The following KCNJ6 variants were observed in gnomAD, a reference collection of about 807,000 sequenced individuals.
The protein encoded by KCNJ6 is potassium inwardly rectifying channel subfamily J member 6, also known as G protein-activated inward rectifier potassium channel 2.
A neutral mutation model predicts 34.2 loss-of-function variants in KCNJ6; 9 were observed. That is an observed-to-expected ratio of 0.26 (90% CI 0.16 to 0.46). The LOEUF (loss-of-function observed/expected upper bound fraction) is 0.46. KCNJ6 is among the 20% of genes least tolerant of loss of function. The probability of loss-of-function intolerance (pLI) is 1.00; values close to 1 mark genes in which losing one functional copy is unlikely to be tolerated. For missense variants in KCNJ6, 236 were observed against 531.3 expected (o/e 0.44, Z 5.46); for synonymous variants, 196 against 207.1 (o/e 0.95, Z 0.46).
At chr21:37,779,494 T>G (rs1440459249) in intron 2 of KCNJ6, among the ~76,000 whole-genome samples, 2 of 152,314 alleles carry the variant, frequency 1.3e-5, no homozygotes, top group East Asian at 3.9e-4. Flanking sequence ...TCTGATTGCA[T>G]CCATCCATAG....
intron 3 of KCNJ6, among the ~76,000 whole-genome samples, chr21:37,661,685 G>A (rs1309016073): frequency 1.5e-5 from 2 of 134,434 alleles, no homozygotes; most frequent in African/African-American, 2.8e-5. Context: ...GTGCAGTGGC[G>A]CGATCTCGCT....
intron 3 of KCNJ6, among the ~76,000 whole-genome samples, chr21:37,665,087 C>T (rs1015176941): frequency 2.6e-5 from 4 of 152,230 alleles, no homozygotes; most frequent in South Asian, 2.1e-4. Context: ...TGAGCCACCA[C>T]GCCTGGCAAG....
chr21:37,748,899 C>T lies in KCNJ6; in HGVS notation c.26-33768G>A, dbSNP rs879299113. Among the ~76,000 whole-genome samples, 19 of 152,268 alleles carry T rather than the reference C, an allele frequency of 1.2e-4. 1 individual carries two copies. The highest frequency in any genetic ancestry group is 2.5e-4 in the Non-Finnish European group (17 of 68,030). ...GGAACAAAACCGTGGGAGAGACCTA[C>T]ATATGAGGCATTCCAGAGTGGTCTT... On this transcript the variant is annotated intron_variant, in intron 2 of 3. Coordinates refer to ENST00000609713, the MANE Select transcript of KCNJ6 (RefSeq NM_002240.5).
intron 2 of KCNJ6, among the ~76,000 whole-genome samples, chr21:37,720,883 A>G (rs1156852636): frequency 6.6e-6 from 1 of 150,404 alleles, no homozygotes; most frequent in African/African-American, 2.5e-5. Context: ...AATTTTTTGT[A>G]TTTTTAGTAG....
chr21:37,798,746 C>T (rs900922700), intron 2 of KCNJ6, among the ~76,000 whole-genome samples: 1 of 151,286 alleles, frequency 6.6e-6, no homozygotes, highest in African/African-American at 2.4e-5. Flanking sequence ...TGTTTGGGGC[C>T]GGGGAAAAGG....
At chr21:37,702,877 G>A (rs140860082) in intron 3 of KCNJ6, among the ~76,000 whole-genome samples, 4 of 152,276 alleles carry the variant, frequency 2.6e-5, no homozygotes, top group African/African-American at 7.2e-5. Flanking sequence ...GGTCAAGTGC[G>A]CTAATGATGT....
At chr21:37,816,124 T>C (rs941851022) in intron 2 of KCNJ6, among the ~76,000 whole-genome samples, 4 of 152,166 alleles carry the variant, frequency 2.6e-5, no homozygotes, top group Non-Finnish European at 4.4e-5. Context: ...GGCATCCCTG[T>C]TCTGGAAGGT....
chr21:37,717,251 T>A (rs2054796829), intron 2 of KCNJ6: 1 of 154,064 alleles, frequency 6.5e-6, no homozygotes, highest in African/African-American at 2.4e-5. Context: ...AAAATTTGCT[T>A]TTTTCCCTTT....
At chr21:37,731,853 T>A (rs2054887121) in intron 2 of KCNJ6, among the ~76,000 whole-genome samples, 1 of 152,156 alleles carries the variant, frequency 6.6e-6, no homozygotes, top group East Asian at 1.9e-4. Flanking sequence ...GAGGGGGCTC[T>A]GCTGATAAGA....
intron 1 of KCNJ6, among the ~76,000 whole-genome samples, chr21:37,878,730 A>G (rs1289043863): frequency 6.6e-6 from 1 of 152,224 alleles, no homozygotes; most frequent in Non-Finnish European, 1.5e-5. Context: ...ACAAAGGGAA[A>G]AATACAGGTG....
At chr21:37,740,984 T>C (rs1230071837) in intron 2 of KCNJ6, among the ~76,000 whole-genome samples, 2 of 152,226 alleles carry the variant, frequency 1.3e-5, no homozygotes, top group Admixed American at 6.5e-5. Context: ...GGGTACCCCA[T>C]GGTTTGTCTT....
intron 1 of KCNJ6, among the ~76,000 whole-genome samples, chr21:37,911,552 A>T (rs2055867235): frequency 6.6e-6 from 1 of 152,222 alleles, no homozygotes; most frequent in Admixed American, 6.5e-5. Context: ...AAGTTCTAAT[A>T]CAATGAACTT....
At chr21:37,640,332 G>T (rs955488421) in intron 3 of KCNJ6, among the ~76,000 whole-genome samples, 2 of 152,218 alleles carry the variant, frequency 1.3e-5, no homozygotes, top group African/African-American at 4.8e-5. Flanking sequence ...CCTAGGACAG[G>T]CTACTTCACC....
At chr21:37,793,012 G>A (rs111306026) in intron 2 of KCNJ6, among the ~76,000 whole-genome samples, 7 of 152,098 alleles carry the variant, frequency 4.6e-5, no homozygotes, top group African/African-American at 1.4e-4. Context: ...GCTCCGGGGG[G>A]ACTCTGATCC....
chr21:37,704,109 C>A (rs1207827622), intron 3 of KCNJ6, among the ~76,000 whole-genome samples: 1 of 152,200 alleles, frequency 6.6e-6, no homozygotes, highest in Non-Finnish European at 1.5e-5. Flanking sequence ...AACACAGGGT[C>A]TGCAGGCCAT....
intron 2 of KCNJ6, among the ~76,000 whole-genome samples, chr21:37,750,892 A>G (rs1186431862): frequency 1.3e-5 from 2 of 152,192 alleles, no homozygotes; most frequent in African/African-American, 2.4e-5. Context: ...AAAAAATGCA[A>G]TATTATTATT....
chr21:37,758,331 A>G (rs566290065), intron 2 of KCNJ6, among the ~76,000 whole-genome samples: 1 of 152,300 alleles, frequency 6.6e-6, no homozygotes, highest in East Asian at 1.9e-4. Context: ...TGTGTGTAGA[A>G]TAATAGCAGT....
In KCNJ6 at chr21:37,659,997, A is replaced by G. The variant is rs139911702; in HGVS notation, c.947-34513T>C. 3.1e-3 allele frequency among the ~76,000 whole-genome samples: 466 copies of G among 152,364 alleles called. 3 individuals carry two copies. The highest frequency in any genetic ancestry group is 0.01 in the African/African-American group (432 of 41,586). ...GTTAAAAAGAAAGGGAAGTGTTCAG[A>G]GGTCAAAAGAGGATGCCAAAGTCCA... On this transcript the variant is annotated intron_variant, in intron 3 of 3. Transcript: ENST00000609713.
intron 2 of KCNJ6, among the ~76,000 whole-genome samples, chr21:37,716,378 A>AT (rs2054791138): frequency 7.1e-6 from 1 of 140,316 alleles, no homozygotes; most frequent in African/African-American, 2.7e-5. Context: ...AAAAAGTTTA[A>AT]ATTTTTTTTT....
Sources: gnomAD v4.1 joint callset for allele counts (sites outside exome capture counted in the v4.1 genomes callset) on GRCh38, gnomAD v4.1.1 for gene constraint, MANE v1.5 for transcripts, NCBI Gene and HGNC (gene_info 2026-07-23, HGNC 2026-07-21) for gene names.